Variants in DNMT3B observed in about 807,000 individuals in gnomAD.
The protein encoded by DNMT3B is DNA (cytosine-5)-methyltransferase 3B.
A neutral mutation model predicts 120.2 loss-of-function variants in DNMT3B; 37 were observed. That is an observed-to-expected ratio of 0.31 (90% CI 0.24 to 0.40). DNMT3B has a LOEUF of 0.40. Ranked by LOEUF, DNMT3B falls within the 10% of genes least tolerant of loss-of-function variation. The pLI is 1.00. For missense variants in DNMT3B, 878 were observed against 1,137.3 expected, an observed-to-expected ratio of 0.77 and a Z score of 3.28; for synonymous variants, 412 against 442.8, an observed-to-expected ratio of 0.93 and a Z score of 0.87.
At chr20:32,775,855 C>T (rs144034013) in intron 1 of DNMT3B, among the ~76,000 whole-genome samples, 256 of 152,390 alleles carry the variant, frequency 1.7e-3, no homozygotes, top group African/African-American at 5.6e-3. Context: ...AGATTTGGCA[C>T]TGCCACTTCT....
At chr20:32,797,483 G>A (rs1980781388) in intron 14 of DNMT3B, among the ~76,000 whole-genome samples, 184 bp downstream of exon 14, 1 of 152,200 alleles carries the variant, frequency 6.6e-6, no homozygotes. Flanking sequence ...AATTGGAGTA[G>A]AACTCATGTA....
chr20:32,767,149 C>T (rs984530205), intron 1 of DNMT3B, among the ~76,000 whole-genome samples: 1 of 151,770 alleles, frequency 6.6e-6, no homozygotes, highest in African/African-American at 2.4e-5. Flanking sequence ...ACCTCAGCCT[C>T]CCTCCCAAAG....
intron 1 of DNMT3B, among the ~76,000 whole-genome samples, chr20:32,765,743 AT>A (rs776698424): frequency 0.022 from 1,968 of 89,600 alleles, 55 homozygotes; most frequent in African/African-American, 0.082. Context: ...TTATTTATTT[AT>A]TTTTTCTTTT....
intron 19 of DNMT3B, 55 bp downstream of exon 19, chr20:32,801,481 G>T: frequency 6.2e-7 from 1 of 1,610,340 alleles, no homozygotes; most frequent in South Asian, 1.1e-5. Flanking sequence ...GGAAAGCGCT[G>T]CTGGCAGTGA....
At chr20:32,779,130 T>C (rs1379764405) in intron 1 of DNMT3B, among the ~76,000 whole-genome samples, 1 of 151,794 alleles carries the variant, frequency 6.6e-6, no homozygotes, top group African/African-American at 2.4e-5. Flanking sequence ...GACACAAGGG[T>C]GTGGTGTGAG....
At chr20:32,777,879 T>G (rs948268265) in intron 1 of DNMT3B, among the ~76,000 whole-genome samples, 23 of 152,140 alleles carry the variant, frequency 1.5e-4, no homozygotes, top group African/African-American at 5.3e-4. Context: ...TTGTCCTTGG[T>G]AGGGGAAATT....
chr20:32,769,189 A>C (rs889118552), intron 1 of DNMT3B, among the ~76,000 whole-genome samples: 2 of 152,050 alleles, frequency 1.3e-5, no homozygotes, highest in Admixed American at 6.6e-5. Context: ...GGTTCACGCC[A>C]TTCTCCTGCC....
intron 9 of DNMT3B, 28 bp downstream of exon 9, chr20:32,792,798 C>G (rs989315963): frequency 1.2e-6 from 2 of 1,613,342 alleles, no homozygotes; most frequent in Non-Finnish European, 1.7e-6. Context: ...TGGCAGCACC[C>G]GCTGCCTCTG....
chr20:32,763,481 A>G (rs1361110875), intron 1 of DNMT3B, among the ~76,000 whole-genome samples: 2 of 152,118 alleles, frequency 1.3e-5, no homozygotes, highest in Non-Finnish European at 2.9e-5. Flanking sequence ...CTTACCTTCC[A>G]TTCTTAGCCT....
At chr20:32,801,485 G>A in intron 19 of DNMT3B, 59 bp downstream of exon 19, 1 of 1,608,492 alleles carries the variant, frequency 6.2e-7, no homozygotes, top group Non-Finnish European at 8.5e-7. Context: ...AGCGCTGCTG[G>A]CAGTGATGAT....
intron 1 of DNMT3B, among the ~76,000 whole-genome samples, chr20:32,765,160 C>T (rs1252821660): frequency 1.3e-5 from 2 of 152,210 alleles, no homozygotes; most frequent in Admixed American, 1.3e-4. Flanking sequence ...CAGGCACATA[C>T]TACTAATTGA....
intron 22 of DNMT3B, 124 bp from the exon 23 acceptor site, chr20:32,807,638 T>C (rs1330940474): frequency 2.8e-6 from 4 of 1,426,978 alleles, no homozygotes; most frequent in African/African-American, 2.8e-5. Context: ...ATTTAGGTCC[T>C]TGGGGACCTT....
intron 6 of DNMT3B, among the ~76,000 whole-genome samples, chr20:32,788,525 C>G (rs1979596250): frequency 6.6e-6 from 1 of 152,180 alleles, no homozygotes; most frequent in Non-Finnish European, 1.5e-5. Flanking sequence ...TAGTCTCAAA[C>G]TCCTGGCCTC....
chr20:32,806,446 G>A (rs548650481), intron 22 of DNMT3B, 119 bp downstream of exon 22: 34 of 944,802 alleles, frequency 3.6e-5, no homozygotes, highest in Middle Eastern at 2.4e-4. Flanking sequence ...TTACTGGGGC[G>A]AGGAGTAATA....
intron 1 of DNMT3B, among the ~76,000 whole-genome samples, chr20:32,764,104 A>G (rs1987149837): frequency 6.6e-6 from 1 of 152,138 alleles, no homozygotes; most frequent in Non-Finnish European, 1.5e-5. Context: ...TGGAATCACT[A>G]GCTAGCACAC....
chr20:32,798,389 G>T, intron 14 of DNMT3B, 71 bp from the exon 15 acceptor site: 3 of 1,594,590 alleles, frequency 1.9e-6, no homozygotes, highest in Non-Finnish European at 2.6e-6. Flanking sequence ...TTTCCCTGTG[G>T]AAGTGGTAAG....
chr20:32,775,483 G>A (rs1186899934), intron 1 of DNMT3B, among the ~76,000 whole-genome samples: 2 of 152,190 alleles, frequency 1.3e-5, no homozygotes, highest in Non-Finnish European at 2.9e-5. Context: ...CCCTCTGTCT[G>A]CCACATTGCA....
intron 1 of DNMT3B, among the ~76,000 whole-genome samples, chr20:32,771,029 G>C (rs183791740): frequency 5.8e-4 from 88 of 152,330 alleles, no homozygotes; most frequent in African/African-American, 2.0e-3. Flanking sequence ...ACAGGCATGA[G>C]CCACTGTCCC....
Position 32,780,365 on chromosome 20 carries a change from CG to C in DNMT3B, c.44del (p.Gly15AlafsTer50). 6.2e-7 allele frequency: 1 copy of C among 1,613,918 alleles called. No individual in the cohort carries two copies. Among genetic ancestry groups the C allele is most frequent in the Non-Finnish European group, 8.5e-7 (1 of 1,180,000 alleles). On this transcript the variant is annotated frameshift_variant, in exon 2 of 23. Coordinates refer to ENST00000328111, the MANE Select transcript of DNMT3B (RefSeq NM_006892.4). LOFTEE classifies it high-confidence loss of function. ...GGCATCTCAATGGAGAGGAGGACGC[CG>C]GCGGGAGGGAAGACTCGATCCTCGT... ...TRHLNGEEDA[G>X]GREDSILVNG...
Sources: gnomAD v4.1 joint callset for allele counts (sites outside exome capture counted in the v4.1 genomes callset) on GRCh38, gnomAD v4.1.1 for gene constraint, MANE v1.5 for transcripts, NCBI Gene and HGNC (gene_info 2026-07-23, HGNC 2026-07-21) for gene names.